The following RP9 variants were observed in gnomAD, a reference collection of about 807,000 sequenced individuals.
RP9 encodes the protein retinitis pigmentosa 9 protein.
Under a neutral mutation model 32.6 loss-of-function variants are expected in RP9, and 23 were observed. That is an observed-to-expected ratio of 0.71 (90% confidence interval 0.51 to 1.00). RP9 has a LOEUF of 1.00. Ranked by LOEUF, RP9 falls within the 50% of genes least tolerant of loss-of-function variation. The pLI is 0.00. For synonymous variants in RP9, 94 were observed against 103.6 expected (o/e 0.91, Z 0.56); for missense variants, 245 against 285.3 (o/e 0.86, Z 1.02).
chr7:33,097,482 T>C (rs1021506260), intron 3 of RP9, 120 bp from the exon 4 acceptor site: 8 of 730,940 alleles, frequency 1.1e-5, no homozygotes, highest in Non-Finnish European at 1.8e-5. Flanking sequence ...CAAAATATAA[T>C]TATGGACAAG....
intron 4 of RP9, among the ~76,000 whole-genome samples, 165 bp from the exon 5 acceptor site, chr7:33,096,719 TA>T: frequency 6.6e-6 from 1 of 152,116 alleles, no homozygotes; most frequent in Non-Finnish European, 1.5e-5. Flanking sequence ...TCATTAAGGC[TA>T]AAAAATGGAT....
In RP9 at chr7:33,097,378, G is replaced by C; in HGVS notation, c.314-16C>G. 1 of 1,569,670 alleles carries C rather than the reference G, an allele frequency of 6.4e-7. No homozygotes were observed. Among genetic ancestry groups the C allele is most frequent in the South Asian group, 1.1e-5 (1 of 90,094 alleles). On this transcript the variant is annotated splice_polypyrimidine_tract_variant and intron_variant, in intron 3 of 5. Transcript: ENST00000297157. ...CAACGCCAACCTAAAAACGAAAAGA[G>C]AAATATTTCTGTAAGATAACAGTTT...
At chr7:33,097,516 G>A (rs1788356217) in intron 3 of RP9, among the ~76,000 whole-genome samples, 154 bp from the exon 4 acceptor site, 1 of 152,222 alleles carries the variant, frequency 6.6e-6, no homozygotes, top group East Asian at 1.9e-4. Context: ...CAGAAACAGA[G>A]GTAAACTAAT....
At chr7:33,108,034 A>G (rs901397780) in intron 1 of RP9, among the ~76,000 whole-genome samples, 1 of 152,192 alleles carries the variant, frequency 6.6e-6, no homozygotes, top group Non-Finnish European at 1.5e-5. Flanking sequence ...ATTGTCTGAG[A>G]CTCAGGTACT....
chr7:33,107,905 G>T (rs1191941705), intron 1 of RP9, among the ~76,000 whole-genome samples: 1 of 152,198 alleles, frequency 6.6e-6, no homozygotes, highest in Non-Finnish European at 1.5e-5. Context: ...GGAAAGTGAT[G>T]TACAGAAAAG....
intron 2 of RP9, 101 bp from the exon 3 acceptor site, chr7:33,099,537 TGCCAACATCA>T: frequency 8.0e-7 from 1 of 1,242,524 alleles, no homozygotes; most frequent in Non-Finnish European, 1.2e-6. Flanking sequence ...GGGCTTCCGG[TGCCAACATCA>T]TCTTAGTTAC....
At chr7:33,099,137 C>T in intron 3 of RP9, 170 bp downstream of exon 3, 1 of 745,174 alleles carries the variant, frequency 1.3e-6, no homozygotes, top group Non-Finnish European at 2.3e-6. Flanking sequence ...TTCTTCTTCA[C>T]ATGGCACGGT....
rs183201820 is a variant in RP9 at position 33,100,950 on chromosome 7, T to C, written c.153-389A>G. On this transcript the variant is annotated intron_variant, in intron 1 of 5. Coordinates refer to ENST00000297157, the MANE Select transcript of RP9 (RefSeq NM_203288.2). ...TTTGTACCTCCTCCCAAAAGAGTAA[T>C]ATGCAAATATTTTTAGCTCAGGTCT... 1.3e-4 allele frequency: 47 copies of C among 371,378 alleles called. No homozygotes were observed. In the Admixed American group the frequency reaches 1.5e-3, roughly 12 times the overall value. The allele number at this position is 371,378 out of a possible 1,614,324, so 23.0% of individuals were successfully genotyped here.
chr7:33,105,609 A>G (rs1207122626), intron 1 of RP9, among the ~76,000 whole-genome samples: 1 of 152,162 alleles, frequency 6.6e-6, no homozygotes, highest in Non-Finnish European at 1.5e-5. Context: ...CCATAAAAAC[A>G]TGAGCTGACC....
Position 33,099,329 on chromosome 7 carries a change from C to A in RP9, c.291G>T (p.Gly97=), listed in dbSNP as rs776356833. 1.9e-6 allele frequency: 3 copies of A among 1,613,512 alleles called. No individual in the cohort carries two copies. The highest frequency in any genetic ancestry group is 1.1e-5 in the South Asian group (1 of 91,028). ...CACACTGCATAACTTTGACTTCTTT[C>A]CCCAGTGGCATCCAAAGTCCTTTAG... The part of the protein sequence containing the change: ...APTKGLWMPL[G]KEVKVMQCWR... The change falls in exon 3 of 6, where the codon GGG becomes GGT. Residue 97 remains glycine, a synonymous_variant. Transcript: ENST00000297157.
At chr7:33,108,725 G>A (rs1206938838) in intron 1 of RP9, among the ~76,000 whole-genome samples, 3 of 152,110 alleles carry the variant, frequency 2.0e-5, no homozygotes, top group Non-Finnish European at 4.4e-5. Context: ...AAAGGCCCAC[G>A]CCCCTATTCC....
chr7:33,107,690 T>C (rs75660255), intron 1 of RP9, among the ~76,000 whole-genome samples: 2,064 of 152,310 alleles, frequency 0.014, 61 homozygotes, highest in African/African-American at 0.047. Context: ...TTATCTCACA[T>C]CAAACCTCCC....
chr7:33,096,100 T>A (rs1332548654), intron 5 of RP9, among the ~76,000 whole-genome samples: 1 of 152,202 alleles, frequency 6.6e-6, no homozygotes, highest in Non-Finnish European at 1.5e-5. Flanking sequence ...TCCCAAAGTG[T>A]TAGGATTACA....
At chr7:33,100,643 G>T in intron 1 of RP9, 82 bp from the exon 2 acceptor site, 1 of 1,121,854 alleles carries the variant, frequency 8.9e-7, no homozygotes, top group Non-Finnish European at 1.4e-6. Context: ...GGGGCTATAG[G>T]ATTTTTAATC....
At chr7:33,107,678 A>G (rs534156374) in intron 1 of RP9, among the ~76,000 whole-genome samples, 2 of 152,322 alleles carry the variant, frequency 1.3e-5, no homozygotes, top group East Asian at 3.9e-4. Context: ...CAACATAGGA[A>G]TTTATCTCAC....
At chr7:33,108,420 C>A (rs1788529569) in intron 1 of RP9, among the ~76,000 whole-genome samples, 1 of 152,234 alleles carries the variant, frequency 6.6e-6, no homozygotes, top group Non-Finnish European at 1.5e-5. Context: ...TGACTTTGAG[C>A]TATAAGTAAC....
At position 33,109,075 on chromosome 7, in the gene RP9, C is replaced by T. The variant is rs1788543077; in HGVS notation, c.152+146G>A. The T allele has an allele frequency of 1.6e-6, 2 of 1,241,098 alleles. No individual in the cohort carries two copies. The highest frequency in any genetic ancestry group is 3.2e-5 in the African/African-American group (2 of 62,082). 76.9% of individuals were successfully genotyped at this position (1,241,098 alleles called of 1,614,324 possible). On this transcript the variant is annotated intron_variant, in intron 1 of 5. Coordinates refer to ENST00000297157, the MANE Select transcript of RP9 (RefSeq NM_203288.2). This position sits in a 1 kb window ranked among gnomAD's most constrained non-coding sequence, Gnocchi z 4.9. ...TGACCGCGGCGCCCGACATCGGTCG[C>T]CCGCACCAGGCTCCTGCCGGGCCCA... is the stretch of plus-strand genomic sequence containing the variant.
In RP9 at chr7:33,095,187, C is replaced by T. The variant is rs568535996; in HGVS notation, c.*47G>A. On this transcript the variant is annotated 3_prime_UTR_variant, in exon 6 of 6. Coordinates refer to ENST00000297157, the MANE Select transcript of RP9 (RefSeq NM_203288.2). Reference sequence around the variant, plus strand: ...TTCTCTGACTGCATCTTCCTCTGTTCCTTGGTCAGTGTTTGAGAAGAGAAT... The same window carrying T: ...TTCTCTGACTGCATCTTCCTCTGTTTCTTGGTCAGTGTTTGAGAAGAGAAT... The T allele has an allele frequency of 1.5e-5, 24 of 1,592,890 alleles. No homozygotes were observed. In the Admixed American group the frequency reaches 2.2e-4, roughly 14 times the overall value.
chr7:33,101,519 T>C (rs1400067379), intron 1 of RP9, among the ~76,000 whole-genome samples: 1 of 151,894 alleles, frequency 6.6e-6, no homozygotes, highest in African/African-American at 2.4e-5. Context: ...GAAGAATTGC[T>C]TGAACCTGGG....
Sources: gnomAD v4.1 joint callset for allele counts (sites outside exome capture counted in the v4.1 genomes callset) on GRCh38, gnomAD v4.1.1 for gene constraint, Gnocchi (gnomAD v3.1) non-coding constraint, MANE v1.5 for transcripts, NCBI Gene and HGNC (gene_info 2026-07-23, HGNC 2026-07-21) for gene names.